Variants in GOLGA5 observed in about 807,000 individuals in gnomAD.
GOLGA5 encodes golgin subfamily A member 5.
In GOLGA5, 50 loss-of-function variants were observed where a neutral mutation model predicts 93.5. The ratio of observed to expected loss-of-function variants is 0.53; its 90% CI spans 0.43 to 0.68. The LOEUF (loss-of-function observed/expected upper bound fraction) is 0.68, where lower values mean the gene tolerates loss of function less well. Ranked by LOEUF, GOLGA5 falls within the 30% of genes least tolerant of loss-of-function variation. The probability of loss-of-function intolerance (pLI) is 0.00; values close to 1 mark genes in which losing one functional copy is unlikely to be tolerated. For missense variants in GOLGA5, 760 were observed against 856.4 expected (o/e 0.89, Z 1.40); for synonymous variants, 312 against 304.5 (o/e 1.02, Z -0.26).
intron 8 of GOLGA5, 114 bp downstream of exon 8, chr14:92,819,950 C>T (rs548644615): frequency 4.7e-6 from 4 of 856,620 alleles, no homozygotes; most frequent in Non-Finnish European, 7.1e-6. Flanking sequence ...AGGGTTACCC[C>T]ACAAGTTCCT....
chr14:92,797,698 A>T lies in GOLGA5; in HGVS notation c.261A>T (p.Gly87=), dbSNP rs919784155. Residue 87 remains glycine (G), a synonymous_variant, in exon 2 of 13, where the codon GGA becomes GGT. Transcript: ENST00000163416. The stretch of plus-strand genomic sequence containing the variant: ...CTGGCACTGCAAATGTGAAAGTAGG[A>T]TCTCGGACACCAGTAGAGGCCTCTC... ...ILAGTANVKV[G]SRTPVEASHP... is the part of the protein sequence containing the mutation. The T allele has an allele frequency of 1.9e-6, 3 of 1,614,058 alleles. No homozygotes were observed. The African/African-American group carries it at 4.0e-5, about 22-fold the overall frequency.
chr14:92,838,301 T>C (rs1885688135), intron 12 of GOLGA5, among the ~76,000 whole-genome samples: 1 of 152,138 alleles, frequency 6.6e-6, no homozygotes, highest in African/African-American at 2.4e-5. Flanking sequence ...TGAAAAGAAA[T>C]TTCTTTAAAA....
chr14:92,811,567 G>A lies in GOLGA5; in HGVS notation c.1133G>A (p.Arg378His), dbSNP rs768382436. ...TTGTCACAGAGCGAGTTTGCTGCAC[G>A]CCTTAATAAAGTGGAAATGGAACGT... ...YKQMQSEFAA[R>H]LNKVEMERQN... Residue 378 changes from arginine (R) to histidine (H), a missense_variant, in exon 6 of 13, where the codon CGC (arginine) becomes CAC (histidine). Arg to His is a conservative substitution (Grantham distance 29, BLOSUM62 0). Coordinates refer to ENST00000163416, the MANE Select transcript of GOLGA5 (RefSeq NM_005113.4). The A allele has an allele frequency of 2.9e-5, 47 of 1,610,486 alleles. No individual in the cohort carries two copies. The Middle Eastern group carries it at 8.2e-4, about 28-fold the overall frequency.
chr14:92,794,940 A>G (rs1015984441), intron 1 of GOLGA5, among the ~76,000 whole-genome samples: 4 of 152,190 alleles, frequency 2.6e-5, no homozygotes, highest in African/African-American at 7.2e-5. Context: ...GTGCCTCTGA[A>G]GTCCTTCGTG....
chr14:92,810,590 T>C (rs1397898457), intron 5 of GOLGA5: 2 of 327,968 alleles, frequency 6.1e-6, no homozygotes, highest in Non-Finnish European at 1.1e-5. Context: ...AAATAGTTAA[T>C]GTGCATTAGA....
chr14:92,807,033 C>A, intron 3 of GOLGA5, 70 bp downstream of exon 3: 1 of 1,058,266 alleles, frequency 9.4e-7, no homozygotes, highest in African/African-American at 1.6e-5. Flanking sequence ...GACGCAGTGG[C>A]TCGTGCCTGT....
At chr14:92,833,083 C>A (rs1885563240) in intron 9 of GOLGA5, 39 bp from the exon 10 acceptor site, 2 of 1,121,240 alleles carry the variant, frequency 1.8e-6, no homozygotes, top group Non-Finnish European at 2.7e-6. Flanking sequence ...GTATGACTTT[C>A]ATTTTATGTA....
At chr14:92,827,774 A>G (rs920208265) in intron 9 of GOLGA5, among the ~76,000 whole-genome samples, 1 of 152,248 alleles carries the variant, frequency 6.6e-6, no homozygotes, top group Non-Finnish European at 1.5e-5. Context: ...GTGCTACTCT[A>G]GTGAACATAC....
rs755987850 is a variant in GOLGA5, at chr14:92,833,250, C to T, written c.1848C>T (p.Val616=). 2 of 1,613,870 alleles carry T rather than the reference C, an allele frequency of 1.2e-6. No individual in the cohort carries two copies. Among genetic ancestry groups the T allele is most frequent in the Admixed American group, 1.7e-5 (1 of 60,006 alleles). ...TCAGCACAGAAAAGAACTCCCTGGT[C>T]TTTCAACTGGAGCGCCTCGAACAGC... ...ESLSTEKNSL[V]FQLERLEQQM... Residue 616 remains valine (V), a synonymous_variant, in exon 10 of 13, where the codon GTC becomes GTT. Coordinates refer to ENST00000163416, the MANE Select transcript of GOLGA5 (RefSeq NM_005113.4).
rs754831512 is a variant in GOLGA5, at chr14:92,811,702, C to T, written c.1268C>T (p.Ser423Phe). ...AAGCTGTATAAGTTGAACTTGGAGT[C>T]CTCTAAGCAGGAATTAATTGACTAC... ...QVKLYKLNLE[S>F]SKQELIDYKQ... The change falls in exon 6 of 13, where the codon TCC becomes TTC. Residue 423 changes from serine to phenylalanine, a missense_variant. Ser to Phe is a radical substitution (Grantham distance 155). Coordinates refer to ENST00000163416, the MANE Select transcript of GOLGA5 (RefSeq NM_005113.4). The T allele has an allele frequency of 6.2e-7, 1 of 1,612,888 alleles. No individual in the cohort carries two copies. Among genetic ancestry groups the T allele is most frequent in the Non-Finnish European group, 8.5e-7 (1 of 1,179,428 alleles).
rs771334225 is a variant in GOLGA5 at position 92,806,935 on chromosome 14, A to G, written c.744A>G (p.Leu248=). 6.2e-7 allele frequency: 1 copy of G among 1,607,638 alleles called. No homozygotes were observed. Among genetic ancestry groups the G allele is most frequent in the Admixed American group, 1.7e-5 (1 of 59,992 alleles). The change falls in exon 3 of 13, where the codon TTA becomes TTG. Residue 248 remains leucine (L), a synonymous_variant. Coordinates refer to ENST00000163416, the MANE Select transcript of GOLGA5 (RefSeq NM_005113.4). ...CTTTAAATCAAGAAATGGCCTCGTT[A>G]CTCCAAAGATCCAAAGAGACTCAAG... ...VQSLNQEMAS[L]LQRSKETQEE... is the part of the protein sequence containing the mutation.
At position 92,797,905 on chromosome 14, in the gene GOLGA5, A is replaced by T. The variant is rs145809323; in HGVS notation, c.468A>T (p.Ser156=). 1.9e-4 allele frequency: 299 copies of T among 1,612,896 alleles called. No homozygotes were observed. The highest frequency in any genetic ancestry group is 1.2e-3 in the Middle Eastern group (7 of 6,078). The part of the protein sequence containing the change: ...KTPVFQSSQT[S]SVSSVNPSVT... ...CTGTCTTTCAGAGCTCTCAGACATC[A>T]AGTGTCAGTTCTGTGAACCCCAGTG... is the stretch of plus-strand genomic sequence containing the variant. Residue 156 remains serine, a synonymous_variant, in exon 2 of 13, where the codon TCA becomes TCT. Transcript: ENST00000163416.
At chr14:92,800,148 A>G (rs370979629) in intron 2 of GOLGA5, among the ~76,000 whole-genome samples, 6 of 152,330 alleles carry the variant, frequency 3.9e-5, no homozygotes, top group South Asian at 2.1e-4. Context: ...CAAAGAACCT[A>G]CTAGGTGCAA....
chr14:92,823,570 G>A (rs1166927495), intron 8 of GOLGA5, among the ~76,000 whole-genome samples: 5 of 151,164 alleles, frequency 3.3e-5, no homozygotes, highest in African/African-American at 1.2e-4. Flanking sequence ...ACGCACCACC[G>A]AGCCTGGCTA....
intron 3 of GOLGA5, 121 bp downstream of exon 3, chr14:92,807,084 G>T: frequency 1.6e-6 from 1 of 639,508 alleles, no homozygotes; most frequent in Non-Finnish European, 2.8e-6. Context: ...CGGATTGCCT[G>T]AGGTCAGGAG....
At position 92,839,521 on chromosome 14, in the gene GOLGA5, A is replaced by G. The variant is rs763661377; in HGVS notation, c.*75A>G. On this transcript the variant is annotated 3_prime_UTR_variant, in exon 13 of 13. Coordinates refer to ENST00000163416, the MANE Select transcript of GOLGA5 (RefSeq NM_005113.4). ...TCTGCAAGAAGGCCAATTGCCTAAA[A>G]TTTCTGAGAACAGTGCACAAGATTA... 2.3e-5 allele frequency: 21 copies of G among 908,176 alleles called. No homozygotes were observed. Among genetic ancestry groups the G allele is most frequent in the Non-Finnish European group, 3.6e-5 (20 of 551,642 alleles). The allele number at this position is 908,176 out of a possible 1,614,324, so 56.3% of individuals were successfully genotyped here.
chr14:92,822,882 C>T (rs903619220), intron 8 of GOLGA5, among the ~76,000 whole-genome samples: 2 of 152,252 alleles, frequency 1.3e-5, no homozygotes, highest in Middle Eastern at 3.4e-3. Flanking sequence ...TGGTCTCAAA[C>T]TCCTGACCTC....
chr14:92,831,584 A>G (rs1305669335), intron 9 of GOLGA5, among the ~76,000 whole-genome samples: 2 of 152,238 alleles, frequency 1.3e-5, no homozygotes, highest in Admixed American at 6.5e-5. Flanking sequence ...TATACCGTCA[A>G]ACATTTGTCA....
At chr14:92,822,272 G>T (rs978888122) in intron 8 of GOLGA5, among the ~76,000 whole-genome samples, 6 of 152,146 alleles carry the variant, frequency 3.9e-5, no homozygotes, top group African/African-American at 1.4e-4. Flanking sequence ...GTTTAACAGA[G>T]TCTCTAGCAG....
Sources: allele counts gnomAD v4.1 joint callset (sites outside exome capture counted in the v4.1 genomes callset), GRCh38; gene constraint gnomAD v4.1.1; transcripts MANE v1.5; gene names NCBI Gene and HGNC (gene_info 2026-07-23, HGNC 2026-07-21).